Variants in PRKN observed in about 807,000 individuals in gnomAD.
PRKN encodes parkin RBR E3 ubiquitin protein ligase.
A neutral mutation model predicts 59.5 loss-of-function variants in PRKN; 56 were observed. The observed-to-expected ratio is 0.94, with a 90% CI of 0.76 to 1.18. The LOEUF (loss-of-function observed/expected upper bound fraction) is 1.18, where lower values mean the gene tolerates loss of function less well. Among genes scored for constraint, PRKN ranks in the 50% most tolerant of loss-of-function variants. The probability of loss-of-function intolerance (pLI) is 0.00; values close to 1 mark genes in which losing one functional copy is unlikely to be tolerated. For missense variants in PRKN, 657 were observed against 596.4 expected (o/e 1.10, Z -1.06); for synonymous variants, 250 against 222.1 (o/e 1.13, Z -1.12).
intron 5 of PRKN, among the ~76,000 whole-genome samples, chr6:162,027,589 C>T (rs2128278078): frequency 6.6e-6 from 1 of 152,334 alleles, no homozygotes; most frequent in Middle Eastern, 3.4e-3. Flanking sequence ...GTCACTTCAT[C>T]TGTTAATCCT....
chr6:162,071,022 G>A (rs1054856389), intron 4 of PRKN, among the ~76,000 whole-genome samples: 1 of 152,058 alleles, frequency 6.6e-6, no homozygotes, highest in Non-Finnish European at 1.5e-5. Flanking sequence ...TTTCTAACAT[G>A]TTCTATTAGT....
rs950570637 is a variant in PRKN at position 161,588,443 on chromosome 6, T to C, written c.872-19027A>G. 6.6e-6 allele frequency among the ~76,000 whole-genome samples: 1 copy of C among 152,128 alleles called. No homozygotes were observed. Among genetic ancestry groups the C allele is most frequent in the Non-Finnish European group, 1.5e-5 (1 of 68,026 alleles). ...TAATCAATGTGTTATTCTAACTCAT[T>C]CTGTGCCTCATTCAGTAAAAGGCTA... On this transcript the variant is annotated intron_variant, in intron 7 of 11. Coordinates refer to ENST00000366898, the MANE Select transcript of PRKN (RefSeq NM_004562.3). The surrounding 1 kb of genome is among the most constrained non-coding windows in gnomAD (Gnocchi z 5.0).
At chr6:162,013,037 T>G (rs536948126) in intron 5 of PRKN, among the ~76,000 whole-genome samples, 5 of 152,264 alleles carry the variant, frequency 3.3e-5, no homozygotes, top group Admixed American at 6.5e-5. Context: ...ACTTACCAGT[T>G]TTAGTATCCA....
chr6:162,229,374 G>A (rs572846759), intron 3 of PRKN, among the ~76,000 whole-genome samples: 44 of 152,178 alleles, frequency 2.9e-4, no homozygotes, highest in African/African-American at 1.1e-3. Context: ...ACTCCAGAAT[G>A]AGACCACCTC....
At chr6:161,617,741 A>T (rs567837620) in intron 7 of PRKN, among the ~76,000 whole-genome samples, 2 of 152,368 alleles carry the variant, frequency 1.3e-5, no homozygotes, top group Non-Finnish European at 2.9e-5. Context: ...AGATTATACA[A>T]TAGATTTGAA....
At chr6:161,950,856 C>T (rs1471695941) in intron 6 of PRKN, among the ~76,000 whole-genome samples, 7 of 151,318 alleles carry the variant, frequency 4.6e-5, no homozygotes. Flanking sequence ...AAGCCTCAGG[C>T]GAAGGGCTAG....
At chr6:162,499,501 T>C (rs1793264323) in intron 1 of PRKN, among the ~76,000 whole-genome samples, 1 of 152,150 alleles carries the variant, frequency 6.6e-6, no homozygotes, top group South Asian at 2.1e-4. Flanking sequence ...CAGCAAATTG[T>C]AGGCAACCAA....
At chr6:161,693,020 G>A (rs1160949651) in intron 7 of PRKN, among the ~76,000 whole-genome samples, 3 of 151,210 alleles carry the variant, frequency 2.0e-5, no homozygotes, top group Non-Finnish European at 2.9e-5. Flanking sequence ...AGCAATCCTG[G>A]TAATTTTGGG....
chr6:162,369,807 C>A (rs966009613), intron 2 of PRKN, among the ~76,000 whole-genome samples: 1 of 152,072 alleles, frequency 6.6e-6, no homozygotes, highest in East Asian at 1.9e-4. Flanking sequence ...CTACAAAGCC[C>A]GTCTACATTT....
At chr6:162,408,622 G>A (rs1476865945) in intron 2 of PRKN, among the ~76,000 whole-genome samples, 1 of 152,116 alleles carries the variant, frequency 6.6e-6, no homozygotes, top group African/African-American at 2.4e-5. Flanking sequence ...AAGTTCTTGT[G>A]GAAGCAATTT....
intron 4 of PRKN, among the ~76,000 whole-genome samples, chr6:162,076,506 T>G (rs950571137): frequency 6.6e-6 from 1 of 152,072 alleles, no homozygotes; most frequent in Non-Finnish European, 1.5e-5. Flanking sequence ...TTTCCCCCGA[T>G]TGTGTTATAA....
chr6:161,483,566 T>A lies in PRKN; in HGVS notation c.1083+65288A>T, dbSNP rs1294316326. On this transcript the variant is annotated intron_variant, in intron 9 of 11. Transcript: ENST00000366898. This position sits in a 1 kb window ranked among gnomAD's most constrained non-coding sequence, Gnocchi z 5.0. ...CTCCACAGAATTCACTAAACTTCAA[T>A]AAGCTACAATTCTATCCTTACCTCA... Among the ~76,000 whole-genome samples, 2 of 152,176 alleles carry A rather than the reference T, an allele frequency of 1.3e-5. No individual in the cohort carries two copies. The highest frequency in any genetic ancestry group is 4.8e-5 in the African/African-American group (2 of 41,450).
intron 10 of PRKN, among the ~76,000 whole-genome samples, chr6:161,374,122 G>A (rs937276743): frequency 6.6e-6 from 1 of 152,184 alleles, no homozygotes; most frequent in Non-Finnish European, 1.5e-5. Context: ...AATTGCCAGG[G>A]GCGCTTTCCT....
chr6:162,710,119 T>C (rs1454607561), intron 1 of PRKN, among the ~76,000 whole-genome samples: 1 of 152,118 alleles, frequency 6.6e-6, no homozygotes, highest in African/African-American at 2.4e-5. Context: ...TCAATAATAA[T>C]GACCTTTTTA....
chr6:161,376,757 G>A lies in PRKN; in HGVS notation c.1167+10037C>T, dbSNP rs1297170649. On this transcript the variant is annotated intron_variant, in intron 10 of 11. Transcript: ENST00000366898. The surrounding 1 kb of genome is among the most constrained non-coding windows in gnomAD (Gnocchi z 7.3). Reference sequence around the variant, plus strand: ...CTTCTGTGGCAACCGCACTGCAGTGGGACTCCACCTCTGCCCAACCCTGCT... The same window carrying A: ...CTTCTGTGGCAACCGCACTGCAGTGAGACTCCACCTCTGCCCAACCCTGCT... Among the ~76,000 whole-genome samples, 2 of 152,176 alleles carry A rather than the reference G, an allele frequency of 1.3e-5. No homozygotes were observed. The highest frequency in any genetic ancestry group is 4.8e-5 in the African/African-American group (2 of 41,448).
intron 7 of PRKN, among the ~76,000 whole-genome samples, chr6:161,680,761 A>T (rs1195371553): frequency 5.2e-3 from 51 of 9,872 alleles, no homozygotes; most frequent in African/African-American, 0.019. Flanking sequence ...ATATATATAT[A>T]TATATATATA....
At chr6:162,182,769 C>T (rs991433886) in intron 4 of PRKN, among the ~76,000 whole-genome samples, 15 of 152,156 alleles carry the variant, frequency 9.9e-5, no homozygotes, top group African/African-American at 3.6e-4. Context: ...TGTGGCAAGC[C>T]TGCTTAGAGC....
At chr6:161,741,238 CAT>C (rs1289527046) in intron 7 of PRKN, among the ~76,000 whole-genome samples, 3 of 152,208 alleles carry the variant, frequency 2.0e-5, no homozygotes, top group Non-Finnish European at 4.4e-5. Context: ...AGCTGGTACT[CAT>C]GTGAGGGTAA....
At chr6:161,885,823 C>T (rs1393587945) in intron 6 of PRKN, among the ~76,000 whole-genome samples, 1 of 152,168 alleles carries the variant, frequency 6.6e-6, no homozygotes. Flanking sequence ...CTGATATTCA[C>T]TGTGCAGGTG....
Sources: allele counts gnomAD v4.1 joint callset (sites outside exome capture counted in the v4.1 genomes callset), GRCh38; gene constraint gnomAD v4.1.1; non-coding constraint Gnocchi (gnomAD v3.1); transcripts MANE v1.5; gene names NCBI Gene and HGNC (gene_info 2026-07-23, HGNC 2026-07-21).